The following POLE variants were observed in gnomAD, a reference collection of about 807,000 sequenced individuals.
POLE encodes DNA polymerase epsilon, catalytic subunit, also known as DNA polymerase epsilon catalytic subunit A.
A neutral mutation model predicts 279.2 loss-of-function variants in POLE; 188 were observed. The ratio of observed to expected loss-of-function variants is 0.67; its 90% CI spans 0.60 to 0.76. The LOEUF is 0.76. POLE is among the 30% of genes least tolerant of loss of function. The pLI, the probability that POLE is intolerant of heterozygous loss-of-function variation, is 0.00. For synonymous variants in POLE, 1,214 were observed against 1,172.5 expected, an observed-to-expected ratio of 1.04 and a Z score of -0.72; for missense variants, 2,703 against 3,016.7, an observed-to-expected ratio of 0.90 and a Z score of 2.44.
intron 13 of POLE, 77 bp from the exon 14 acceptor site, chr12:132,673,354 G>A: frequency 8.1e-7 from 1 of 1,229,208 alleles, no homozygotes; most frequent in Non-Finnish European, 1.2e-6. Flanking sequence ...AGAAAGCAAA[G>A]CCTGGCCTGA....
Position 132,664,306 on chromosome 12 carries a change from C to T in POLE, c.2561+64G>A, listed in dbSNP as rs1264593653. On this transcript the variant is annotated intron_variant, in intron 22 of 48. Coordinates refer to ENST00000320574, the MANE Select transcript of POLE (RefSeq NM_006231.4). The surrounding 1 kb of genome is among the most constrained non-coding windows in gnomAD (Gnocchi z 5.3). ...GTGTGGCCTCCAGCCTTCCCTCCTT[C>T]CTTCCTGCCCATGCTTGCCCCCAGG... 1 of 1,493,880 alleles carries T rather than the reference C, an allele frequency of 6.7e-7. No homozygotes were observed. Among genetic ancestry groups the T allele is most frequent in the African/African-American group, 1.4e-5 (1 of 72,446 alleles). The allele number at this position is 1,493,880 out of a possible 1,614,324, so 92.5% of individuals were successfully genotyped here. A position where few individuals can be genotyped will look rare whatever the true frequency, so the allele number is the denominator to read the frequency against.
intron 26 of POLE, 181 bp from the exon 27 acceptor site, chr12:132,658,151 C>CGTGT (rs1366750534): frequency 2.7e-5 from 14 of 519,520 alleles, no homozygotes; most frequent in African/African-American, 1.5e-4. Flanking sequence ...GGGAGTAACA[C>CGTGT]GTGCGTATGT....
intron 43 of POLE, chr12:132,633,504 A>T (rs1000614674): frequency 7.9e-5 from 12 of 152,236 alleles, no homozygotes; most frequent in African/African-American, 2.9e-4. Flanking sequence ...GTTGCAAGAG[A>T]GAACTGAGAA....
chr12:132,652,062 TTGTG>T (rs975253317), intron 29 of POLE, among the ~76,000 whole-genome samples: 3 of 152,218 alleles, frequency 2.0e-5, no homozygotes, highest in Non-Finnish European at 4.4e-5. Context: ...ACATGTAAGT[TTGTG>T]TGTGTTGACT....
At chr12:132,660,930 A>G (rs565125032) in intron 25 of POLE, 39 bp downstream of exon 25, 1 of 1,485,362 alleles carries the variant, frequency 6.7e-7, no homozygotes, top group South Asian at 1.3e-5. Flanking sequence ...TTCATCCTTC[A>G]TCCCTCAGAG....
In POLE at chr12:132,677,391, G is replaced by A. The variant is rs1196808684; in HGVS notation, c.773C>T (p.Thr258Ile). ...TCGTTCAACAAGGTCATCTCGGCGG[G>A]TGATTTCTACCGGAAAAGCATTTCC... is the stretch of plus-strand genomic sequence containing the variant. ...YRGNAFPVEITRRDDLVERPD... is the reference protein window; with the variant it reads ...YRGNAFPVEIIRRDDLVERPD... Residue 258 changes from threonine (T) to isoleucine (I), a missense_variant, in exon 8 of 49, where the codon ACC becomes ATC. By Grantham distance (89) the Thr-to-Ile change is moderately conservative. Transcript: ENST00000320574. The A allele has an allele frequency of 6.2e-7, 1 of 1,613,996 alleles. No homozygotes were observed. Among genetic ancestry groups the A allele is most frequent in the Non-Finnish European group, 8.5e-7 (1 of 1,179,928 alleles).
chr12:132,643,326 A>G lies in POLE; in HGVS notation c.4449T>C (p.Ser1483=), dbSNP rs1057521430. ...LAQFSYLEPG[S]IRHIYLYHHA... Reference sequence around the variant, plus strand: ...GGTGGTACAGGTAGATATGGCGGATACTCCCTGGAGAAGGAAACAAGACCG... The same window carrying G: ...GGTGGTACAGGTAGATATGGCGGATGCTCCCTGGAGAAGGAAACAAGACCG... The change falls in exon 35 of 49, where the codon AGT becomes AGC. Residue 1483 remains serine, a synonymous_variant. Coordinates refer to ENST00000320574, the MANE Select transcript of POLE (RefSeq NM_006231.4). The G allele has an allele frequency of 1.9e-6, 3 of 1,613,756 alleles. No individual in the cohort carries two copies. The highest frequency in any genetic ancestry group is 2.5e-6 in the Non-Finnish European group (3 of 1,179,960).
intron 26 of POLE, among the ~76,000 whole-genome samples, chr12:132,658,908 A>AAG (rs2042613384): frequency 6.6e-6 from 1 of 150,548 alleles, no homozygotes; most frequent in African/African-American, 2.4e-5. Flanking sequence ...AAAAAAAAAA[A>AAG]GAGCAGTTTC....
intron 29 of POLE, among the ~76,000 whole-genome samples, chr12:132,656,649 C>T (rs1382325334): frequency 6.6e-6 from 1 of 152,208 alleles, no homozygotes; most frequent in Non-Finnish European, 1.5e-5. Context: ...TGAGCCACCG[C>T]ACCTGGTCAA....
rs1555221202 is a variant in POLE at position 132,634,264 on chromosome 12, G to A, written c.5926C>T (p.Leu1976=). Residue 1976 remains leucine (L), a synonymous_variant, in exon 43 of 49, where the codon CTG becomes TTG. Coordinates refer to ENST00000320574, the MANE Select transcript of POLE (RefSeq NM_006231.4). The surrounding 1 kb of genome is among the most constrained non-coding windows in gnomAD (Gnocchi z 4.0). ...TGCAAAATGTTCCAGTTGTTTTCCA[G>A]TAAATCCTCCACGTTGGATTCCTCC... ...EAEESNVEDL[L]ENNWNILQFL... 1 of 1,614,174 alleles carries A rather than the reference G, an allele frequency of 6.2e-7. No individual in the cohort carries two copies. Among genetic ancestry groups the A allele is most frequent in the Non-Finnish European group, 8.5e-7 (1 of 1,180,012 alleles).
chr12:132,655,559 A>G (rs770578702), intron 29 of POLE, among the ~76,000 whole-genome samples: 11 of 152,226 alleles, frequency 7.2e-5, no homozygotes, highest in Non-Finnish European at 1.0e-4. Context: ...CCAACTATCA[A>G]TTGAGGGAGG....
chr12:132,643,095 T>A, intron 35 of POLE, 99 bp from the exon 36 acceptor site: 1 of 1,471,268 alleles, frequency 6.8e-7, no homozygotes. Flanking sequence ...GCCAATTCAA[T>A]CACGACAAGC....
At position 132,649,862 on chromosome 12, in the gene POLE, T is replaced by C; in HGVS notation, c.3610A>G (p.Ser1204Gly). 4.3e-6 allele frequency: 7 copies of C among 1,614,098 alleles called. No individual in the cohort carries two copies. The highest frequency in any genetic ancestry group is 1.1e-5 in the South Asian group (1 of 91,074). ...QVTMAEASED[S>G]PRPSAPDMED... ...ATGTCAGGAGCACTTGGCCTCGGAC[T>C]GTCTTCTGAGGCCTCGGCCATCGTG... Residue 1204 changes from serine (S) to glycine (G), a missense_variant, in exon 30 of 49, where the codon AGT (serine) becomes GGT (glycine). Ser to Gly is a moderately conservative substitution (Grantham distance 56). Around this residue, in one of 5 missense-constraint regions of POLE, gnomAD observed 1,551 missense variants for 1,686.1 expected, o/e 0.92. Coordinates refer to ENST00000320574, the MANE Select transcript of POLE (RefSeq NM_006231.4).
chr12:132,657,496 T>G (rs1394672888), intron 27 of POLE, 67 bp from the exon 28 acceptor site: 1 of 1,317,342 alleles, frequency 7.6e-7, no homozygotes, highest in Non-Finnish European at 1.1e-6. Context: ...GCTCACTTCA[T>G]GCTGAGCACA....
At chr12:132,660,173 G>C (rs961957395) in intron 25 of POLE, 1 of 156,068 alleles carries the variant, frequency 6.4e-6, no homozygotes, top group African/African-American at 2.4e-5. Context: ...CTGGAGAGTG[G>C]CCTGAGCAGT....
chr12:132,632,517 A>AT lies in POLE; in HGVS notation c.6137-10dup. The AT allele has an allele frequency of 1.2e-6, 2 of 1,613,786 alleles. No individual in the cohort carries two copies. The highest frequency in any genetic ancestry group is 1.7e-6 in the Non-Finnish European group (2 of 1,179,674). On this transcript the variant is annotated splice_polypyrimidine_tract_variant and intron_variant, in intron 44 of 48. Coordinates refer to ENST00000320574, the MANE Select transcript of POLE (RefSeq NM_006231.4). ...AGAGAAGGTGATCATTCCTGGAAGT[A>AT]TAAGGATGCTGAGGGAGGGGTCTGG...
Position 132,624,683 on chromosome 12 carries a change from G to A in POLE, c.*14C>T, listed in dbSNP as rs1297899906. On this transcript the variant is annotated 3_prime_UTR_variant, in exon 49 of 49. Coordinates refer to ENST00000320574, the MANE Select transcript of POLE (RefSeq NM_006231.4). ...CCTGGCACGGACGCAGAGGCACCCG[G>A]GGCCCGGGGCTGGCTAATGGCCCAG... The A allele has an allele frequency of 6.5e-7, 1 of 1,547,308 alleles. No individual in the cohort carries two copies. Among genetic ancestry groups the A allele is most frequent in the Non-Finnish European group, 8.9e-7 (1 of 1,120,388 alleles).
Position 132,672,270 on chromosome 12 carries a change from T to A in POLE, c.1739A>T (p.His580Leu). Residue 580 changes from histidine (H) to leucine (L), a missense_variant, in exon 16 of 49, where the codon CAC becomes CTC. By Grantham distance (99) the His-to-Leu change is moderately conservative. Coordinates refer to ENST00000320574, the MANE Select transcript of POLE (RefSeq NM_006231.4). ...CACTTTCTCCTCTTCCTCAAGGGCG[T>A]GGCGCAAGGTCTTCTCAACCCGCTG... ...LLQRVEKTLR[H>L]ALEEEEKVPV... The A allele has an allele frequency of 6.2e-7, 1 of 1,614,144 alleles. No homozygotes were observed. Among genetic ancestry groups the A allele is most frequent in the Non-Finnish European group, 8.5e-7 (1 of 1,180,014 alleles).
At chr12:132,655,202 A>G (rs1015930950) in intron 29 of POLE, among the ~76,000 whole-genome samples, 1 of 152,260 alleles carries the variant, frequency 6.6e-6, no homozygotes, top group African/African-American at 2.4e-5. Context: ...ATAAATGCGT[A>G]TACAAGTCCT....
Sources: gnomAD v4.1 joint callset for allele counts (sites outside exome capture counted in the v4.1 genomes callset) on GRCh38, gnomAD v4.1.1 for gene constraint, gnomAD v4.1.1 regional missense constraint, Gnocchi (gnomAD v3.1) non-coding constraint, MANE v1.5 for transcripts, NCBI Gene and HGNC (gene_info 2026-07-23, HGNC 2026-07-21) for gene names.